The following DMD variants were observed in gnomAD, a reference collection of about 807,000 sequenced individuals.
The protein encoded by DMD is dystrophin, also known as mutant dystrophin.
In DMD, 63 loss-of-function variants were observed where a neutral mutation model predicts 330.1. The observed-to-expected ratio is 0.19, with a 90% CI of 0.16 to 0.24. The LOEUF (loss-of-function observed/expected upper bound fraction) is 0.24. DMD is among the 10% of genes least tolerant of loss of function. The pLI is 1.00. For synonymous variants in DMD, 1,223 were observed against 959.8 expected (o/e 1.27, Z -5.07); for missense variants, 3,344 against 2,684.1 (o/e 1.25, Z -5.43).
chrX:31,726,169 T>C (rs1377968755), intron 52 of DMD, among the ~76,000 whole-genome samples: 1 of 112,523 alleles, frequency 8.9e-6, no homozygotes, highest in African/African-American at 3.2e-5. Flanking sequence ...TACTGCATGA[T>C]TTCCATCAAT....
intron 34 of DMD, among the ~76,000 whole-genome samples, chrX:32,377,678 A>G (rs2097909388): frequency 9.0e-6 from 1 of 111,724 alleles, no homozygotes; most frequent in African/African-American, 3.2e-5. Flanking sequence ...GAGAAAATAA[A>G]TAACCTTCAA....
intron 44 of DMD, among the ~76,000 whole-genome samples, chrX:32,190,577 T>TATATATATATAC (rs1277288137): frequency 1.1e-5 from 1 of 93,323 alleles, no homozygotes; most frequent in African/African-American, 3.8e-5. Flanking sequence ...TATATATATA[T>TATATATATATAC]ATATATATTT....
chrX:32,891,250 T>C (rs1395678305), intron 2 of DMD, among the ~76,000 whole-genome samples: 1 of 111,656 alleles, frequency 9.0e-6, no homozygotes, highest in Non-Finnish European at 1.9e-5. Context: ...CACACCAGTC[T>C]GTGTATCTAC....
intron 60 of DMD, among the ~76,000 whole-genome samples, chrX:31,361,107 CACAA>C (rs991151682): frequency 9.0e-6 from 1 of 110,793 alleles, no homozygotes; most frequent in African/African-American, 3.3e-5. Flanking sequence ...AAAAAAATAA[CACAA>C]ACAAAAAACA....
At chrX:31,967,713 A>C (rs2095364171) in intron 45 of DMD, among the ~76,000 whole-genome samples, 1 of 111,509 alleles carries the variant, frequency 9.0e-6, no homozygotes, top group African/African-American at 3.3e-5. Context: ...TCCCATTTAT[A>C]AACTCTCTAG....
intron 1 of DMD, among the ~76,000 whole-genome samples, chrX:33,204,213 T>A (rs2051438797): frequency 8.9e-6 from 1 of 111,840 alleles, no homozygotes; most frequent in Non-Finnish European, 1.9e-5. Context: ...TGTCCATTGA[T>A]CTTAGTATAA....
rs371411811 is a variant in DMD, at chrX:31,693,611, A to G, written c.7661-14025T>C. Among the ~76,000 whole-genome samples the G allele has an allele frequency of 4.5e-5, 5 of 111,782 alleles. No individual in the cohort carries two copies. In the East Asian group the frequency reaches 8.4e-4, roughly 19 times the overall value. On this transcript the variant is annotated intron_variant, in intron 52 of 78. Coordinates refer to ENST00000357033, the MANE Select transcript of DMD (RefSeq NM_004006.3). ...AATCAACTTACAAAAATCAGTAGCG[A>G]TAACAATTGTTATTGTTTGTACAAT...
At chrX:32,195,474 G>A (rs1343516799) in intron 44 of DMD, among the ~76,000 whole-genome samples, 1 of 112,126 alleles carries the variant, frequency 8.9e-6, no homozygotes, top group Non-Finnish European at 1.9e-5. Context: ...ACCTACCTCC[G>A]AGGAATTTGG....
intron 12 of DMD, among the ~76,000 whole-genome samples, chrX:32,597,719 G>T (rs1301687190): frequency 9.0e-6 from 1 of 111,576 alleles, no homozygotes; most frequent in Non-Finnish European, 1.9e-5. Context: ...TGATGAACAG[G>T]GGTAAACACA....
chrX:32,929,925 G>A (rs776208696), intron 2 of DMD, among the ~76,000 whole-genome samples: 1 of 111,740 alleles, frequency 8.9e-6, no homozygotes, highest in South Asian at 3.7e-4. Flanking sequence ...GTATTCCATG[G>A]TGTATATGTG....
At chrX:31,125,800 TA>T (rs1447411462) in intron 78 of DMD, among the ~76,000 whole-genome samples, 1 of 112,299 alleles carries the variant, frequency 8.9e-6, no homozygotes, top group Non-Finnish European at 1.9e-5. Flanking sequence ...ATAGGCATTT[TA>T]AAAACCTCTC....
intron 1 of DMD, among the ~76,000 whole-genome samples, chrX:33,053,288 A>C (rs2094478407): frequency 9.0e-6 from 1 of 111,672 alleles, no homozygotes; most frequent in Non-Finnish European, 1.9e-5. Context: ...AAGTGGTTTG[A>C]TGTATGTTAA....
intron 7 of DMD, among the ~76,000 whole-genome samples, chrX:32,706,235 G>A (rs1410979617): frequency 4.8e-5 from 3 of 62,573 alleles, no homozygotes; most frequent in Admixed American, 2.1e-4. Flanking sequence ...GTGGGGTGGG[G>A]GGAGTGGGGA....
chrX:31,487,768 T>C (rs991489949), intron 57 of DMD, among the ~76,000 whole-genome samples: 3 of 111,940 alleles, frequency 2.7e-5, no homozygotes, highest in Non-Finnish European at 3.8e-5. Flanking sequence ...GATTGAAGTA[T>C]CAGATACATC....
intron 41 of DMD, among the ~76,000 whole-genome samples, chrX:32,322,554 C>A (rs1188830146): frequency 9.0e-6 from 1 of 110,564 alleles, no homozygotes; most frequent in Non-Finnish European, 1.9e-5. Context: ...TAGCAAGACC[C>A]TGTCTCAAAA....
At chrX:32,060,538 G>A (rs2096215472) in intron 44 of DMD, among the ~76,000 whole-genome samples, 1 of 111,095 alleles carries the variant, frequency 9.0e-6, no homozygotes, top group African/African-American at 3.3e-5. Context: ...TTCCTTCATT[G>A]TTATTTTTAA....
chrX:32,396,432 A>G (rs2098044681), intron 30 of DMD, among the ~76,000 whole-genome samples: 1 of 111,560 alleles, frequency 9.0e-6, no homozygotes, highest in African/African-American at 3.2e-5. Flanking sequence ...CAATATGATT[A>G]GAGATAAAAT....
intron 55 of DMD, among the ~76,000 whole-genome samples, chrX:31,526,151 T>C (rs2073223385): frequency 8.9e-6 from 1 of 112,537 alleles, no homozygotes; most frequent in Non-Finnish European, 1.9e-5. Flanking sequence ...AGAGAAAATC[T>C]GAGGGAAAAT....
At chrX:31,547,673 T>C (rs769995187) in intron 55 of DMD, among the ~76,000 whole-genome samples, 7 of 112,022 alleles carry the variant, frequency 6.2e-5, no homozygotes, top group Non-Finnish European at 1.3e-4. Flanking sequence ...ATACTGGGCA[T>C]GCTGTGGAAG....
Sources: allele counts gnomAD v4.1 joint callset (sites outside exome capture counted in the v4.1 genomes callset), GRCh38; gene constraint gnomAD v4.1.1; transcripts MANE v1.5; gene names NCBI Gene and HGNC (gene_info 2026-07-23, HGNC 2026-07-21).